Variants in DGKA observed in about 807,000 individuals in gnomAD.
DGKA encodes diacylglycerol kinase alpha, also known as 80 kDa diacylglycerol kinase.
DGKA carries 35 observed loss-of-function variants against 105.0 expected under a neutral mutation model. That is an observed-to-expected ratio of 0.33 (90% CI 0.25 to 0.44). DGKA has a LOEUF of 0.44. Among genes scored for constraint, DGKA ranks in the 20% least tolerant of loss-of-function variants. The probability of loss-of-function intolerance (pLI) is 1.00; values close to 1 mark genes in which losing one functional copy is unlikely to be tolerated. For synonymous variants in DGKA, 296 were observed against 332.0 expected (o/e 0.89, Z 1.18); for missense variants, 665 against 915.0 (o/e 0.73, Z 3.53).
At chr12:55,927,557 G>A (rs1276502483), upstream of DGKA, 6 of 861,194 alleles carry the variant, frequency 7.0e-6, no homozygotes, top group South Asian at 4.9e-5. Flanking sequence ...CAAACTCCAG[G>A]AACGCACTGG....
At chr12:55,953,482 T>C in intron 23 of DGKA, 72 bp downstream of exon 23, 1 of 1,498,460 alleles carries the variant, frequency 6.7e-7, no homozygotes, top group Non-Finnish European at 9.3e-7. Flanking sequence ...ATTCCACAGC[T>C]TCTTTACACC....
chr12:55,949,064 G>A (rs1359731415), intron 17 of DGKA, among the ~76,000 whole-genome samples: 3 of 151,792 alleles, frequency 2.0e-5, no homozygotes, highest in Non-Finnish European at 4.4e-5. Flanking sequence ...TCATCAGTAC[G>A]TTGTCACCGT....
chr12:55,937,527 G>A lies in DGKA; in HGVS notation c.258G>A (p.Glu86=), dbSNP rs1884999192. ...TTGAGACTGGTCACTGCTTAAATGA[G>A]ACAAATGTGACAAAAGGTATGGTCA... The part of the protein sequence containing the change: ...QSFETGHCLN[E]TNVTKDVVCL... Residue 86 remains glutamate, a synonymous_variant, in exon 4 of 24, where the codon GAG becomes GAA. Transcript: ENST00000331886. 6.2e-7 allele frequency: 1 copy of A among 1,614,000 alleles called. No homozygotes were observed. The highest frequency in any genetic ancestry group is 1.3e-5 in the African/African-American group (1 of 74,900).
upstream of DGKA, chr12:55,927,542 GCAGA>G (rs1883217712): frequency 2.6e-6 from 2 of 762,164 alleles, no homozygotes; most frequent in South Asian, 3.4e-5. Flanking sequence ...GTGACGTGGA[GCAGA>G]CAAACTCCAG....
chr12:55,929,862 T>G (rs1472369152), upstream of DGKA: 3 of 152,198 alleles, frequency 2.0e-5, no homozygotes, highest in Non-Finnish European at 2.9e-5. Flanking sequence ...ATTCGAGAGA[T>G]AACATTACAC....
upstream of DGKA, chr12:55,927,497 GGCTC>G: frequency 1.5e-6 from 1 of 689,026 alleles, no homozygotes. Flanking sequence ...AGAATATCCA[GGCTC>G]TGGCCTGCAC....
At chr12:55,942,314 A>G in intron 17 of DGKA, 51 bp downstream of exon 17, 1 of 1,561,602 alleles carries the variant, frequency 6.4e-7, no homozygotes, top group East Asian at 2.2e-5. Context: ...TTGTGTAGGA[A>G]GGGAAAGGCA....
intron 17 of DGKA, among the ~76,000 whole-genome samples, chr12:55,944,226 G>T (rs1886561974): frequency 6.6e-6 from 1 of 152,178 alleles, no homozygotes; most frequent in African/African-American, 2.4e-5. Flanking sequence ...CTTGAGCCCA[G>T]GAGTTTCAGG....
chr12:55,951,726 AG>A lies in DGKA; in HGVS notation c.1531del (p.Glu511LysfsTer42). 1 of 1,614,070 alleles carries A rather than the reference AG, an allele frequency of 6.2e-7. No individual in the cohort carries two copies. The highest frequency in any genetic ancestry group is 1.3e-5 in the African/African-American group (1 of 75,002). On this transcript the variant is annotated frameshift_variant, in exon 18 of 24. Transcript: ENST00000331886. LOFTEE classifies it high-confidence loss of function. ...TGGAGGTGATACCTCAACAAACTGA[AG>A]AAAAAAGTGACCCAGTCCCCTTTCA... ...SVEVIPQQTE[E>X]KSDPVPFQII...
In DGKA at chr12:55,952,267, C is replaced by T. The variant is rs541977327; in HGVS notation, c.1653-74C>T. 4 of 1,540,104 alleles carry T rather than the reference C, an allele frequency of 2.6e-6. No homozygotes were observed. In the Admixed American group the frequency reaches 6.7e-5, roughly 26 times the overall value. ...AAAGTTAGGAGGTTGATGCCCTTCC[C>T]TGTCACGTACCACCCCTGCCAGCAC... On this transcript the variant is annotated intron_variant, in intron 19 of 23. Transcript: ENST00000331886. This position sits in a 1 kb window ranked among gnomAD's most constrained non-coding sequence, Gnocchi z 5.1.
At chr12:55,951,218 T>G (rs1351620159) in intron 17 of DGKA, among the ~76,000 whole-genome samples, 1 of 152,228 alleles carries the variant, frequency 6.6e-6, no homozygotes, top group Non-Finnish European at 1.5e-5. Flanking sequence ...TTGAACCTTT[T>G]ATTGCATTCA....
intron 9 of DGKA, 23 bp downstream of exon 9, chr12:55,939,552 T>C (rs1387295967): frequency 6.2e-7 from 1 of 1,610,394 alleles, no homozygotes; most frequent in Non-Finnish European, 8.5e-7. Flanking sequence ...AGCTGGGAGG[T>C]AGGGGAAGAG....
intron 5 of DGKA, 64 bp from the exon 6 acceptor site, chr12:55,938,447 T>C: frequency 6.3e-7 from 1 of 1,594,534 alleles, no homozygotes; most frequent in Middle Eastern, 1.7e-4. Context: ...TCCCCCATAT[T>C]CTGGTATGAA....
chr12:55,927,373 C>G (rs771381525), upstream of DGKA: 1 of 719,988 alleles, frequency 1.4e-6, no homozygotes, highest in South Asian at 1.5e-5. Context: ...AGAGAAGTTC[C>G]GAGGCACAGT....
intron 9 of DGKA, 155 bp downstream of exon 9, chr12:55,939,684 C>G: frequency 1.4e-6 from 1 of 697,072 alleles, no homozygotes; most frequent in South Asian, 1.9e-5. Context: ...CTTCTTTAAG[C>G]CTTAGTTTCC....
Position 55,952,612 on chromosome 12 carries a change from A to C in DGKA, c.1744-122A>C. The C allele has an allele frequency of 1.5e-6, 2 of 1,297,040 alleles. No homozygotes were observed. The highest frequency in any genetic ancestry group is 2.2e-6 in the Non-Finnish European group (2 of 908,176). The allele number at this position is 1,297,040 out of a possible 1,614,324, so 80.3% of individuals were successfully genotyped here. On this transcript the variant is annotated intron_variant, in intron 20 of 23. Coordinates refer to ENST00000331886, the MANE Select transcript of DGKA (RefSeq NM_001345.5). This position sits in a 1 kb window ranked among gnomAD's most constrained non-coding sequence, Gnocchi z 5.1. Reference sequence around the variant, plus strand: ...ACTAGTCCCTATTTCCATTCCTTGCACACCTCCAAATCCTGCCTTCTCCAG... The same window carrying C: ...ACTAGTCCCTATTTCCATTCCTTGCCCACCTCCAAATCCTGCCTTCTCCAG...
At chr12:55,946,945 G>A (rs1887132915) in intron 17 of DGKA, among the ~76,000 whole-genome samples, 2 of 151,540 alleles carry the variant, frequency 1.3e-5, no homozygotes, top group African/African-American at 4.8e-5. Flanking sequence ...AGGAAGTGGA[G>A]ACTTTTTTTC....
At chr12:55,935,768 T>C in intron 1 of DGKA, 1 of 579,806 alleles carries the variant, frequency 1.7e-6, no homozygotes, top group Non-Finnish European at 2.2e-6. Flanking sequence ...CTAGTGGAGC[T>C]CCGCGGAACG....
rs373081639 is a variant in DGKA at position 55,941,639 on chromosome 12, A to G, written c.1250+55A>G. The G allele has an allele frequency of 1.4e-3, 2,161 of 1,554,092 alleles. 38 individuals carry two copies. In the South Asian group the frequency reaches 0.023, roughly 16 times the overall value. On this transcript the variant is annotated intron_variant, in intron 15 of 23. Coordinates refer to ENST00000331886, the MANE Select transcript of DGKA (RefSeq NM_001345.5). ...TGTTTTCGTGGGTCTGTGTATCTGT[A>G]TATGTTAGGAGAGTGCAGGAAAGAG...
Sources: gnomAD v4.1 joint callset for allele counts (sites outside exome capture counted in the v4.1 genomes callset) on GRCh38, gnomAD v4.1.1 for gene constraint, Gnocchi (gnomAD v3.1) non-coding constraint, MANE v1.5 for transcripts, NCBI Gene and HGNC (gene_info 2026-07-23, HGNC 2026-07-21) for gene names.